Variants in UGGT2 observed in about 807,000 individuals in gnomAD.
The protein encoded by UGGT2 is UDP-glucose:glycoprotein glucosyltransferase 2.
In UGGT2, 180 loss-of-function variants were observed where a neutral mutation model predicts 192.1. That is an observed-to-expected ratio of 0.94 (90% CI 0.83 to 1.06). The LOEUF (loss-of-function observed/expected upper bound fraction) is 1.06, where lower values mean the gene tolerates loss of function less well. UGGT2 is among the 50% of genes least tolerant of loss of function. UGGT2 has a pLI of 0.00. For synonymous variants in UGGT2, 580 were observed against 591.0 expected (o/e 0.98, Z 0.27); for missense variants, 1,849 against 1,795.7 (o/e 1.03, Z -0.54).
At chr13:96,050,802 G>A (rs1184146824) in intron 1 of UGGT2, among the ~76,000 whole-genome samples, 2 of 152,332 alleles carry the variant, frequency 1.3e-5, no homozygotes, top group African/African-American at 4.8e-5. Flanking sequence ...ACACCAGTTA[G>A]AAGGGCGATC....
intron 1 of UGGT2, among the ~76,000 whole-genome samples, chr13:96,035,926 G>A (rs1594619303): frequency 6.6e-6 from 1 of 152,320 alleles, no homozygotes; most frequent in Middle Eastern, 3.4e-3. Flanking sequence ...TGGCAAGGTT[G>A]TGGAGAAAAA....
At chr13:95,977,517 T>A (rs574258267) in intron 10 of UGGT2, among the ~76,000 whole-genome samples, 1 of 152,252 alleles carries the variant, frequency 6.6e-6, no homozygotes, top group East Asian at 1.9e-4. Context: ...CCAGTTAGAA[T>A]GGTGATCATT....
At chr13:95,895,361 AAAAC>A in intron 22 of UGGT2, 57 bp from the exon 23 acceptor site, 1 of 1,088,330 alleles carries the variant, frequency 9.2e-7, no homozygotes, top group Non-Finnish European at 1.2e-6. Flanking sequence ...CAGTTTAGGA[AAAAC>A]ATTTCCTCAT....
At chr13:96,034,188 A>G (rs886728688) in intron 1 of UGGT2, among the ~76,000 whole-genome samples, 1 of 152,104 alleles carries the variant, frequency 6.6e-6, no homozygotes, top group Non-Finnish European at 1.5e-5. Flanking sequence ...TCTCCCAGAC[A>G]TCGGGATGAC....
intron 37 of UGGT2, 152 bp downstream of exon 37, chr13:95,836,934 A>G: frequency 1.5e-6 from 1 of 681,240 alleles, no homozygotes. Flanking sequence ...AAATAACCCT[A>G]TACTTGCCAA....
At chr13:96,046,264 G>A (rs963645909) in intron 1 of UGGT2, among the ~76,000 whole-genome samples, 5 of 152,060 alleles carry the variant, frequency 3.3e-5, no homozygotes, top group Non-Finnish European at 5.9e-5. Context: ...AATGGTGCTG[G>A]GATACTTGGC....
chr13:96,048,019 T>C (rs1220420881), intron 1 of UGGT2, among the ~76,000 whole-genome samples: 2 of 152,174 alleles, frequency 1.3e-5, no homozygotes, highest in African/African-American at 4.8e-5. Flanking sequence ...CCACCCCAAA[T>C]CAACAGAATA....
chr13:96,051,240 C>T (rs2053476500), intron 1 of UGGT2, among the ~76,000 whole-genome samples: 1 of 152,126 alleles, frequency 6.6e-6, no homozygotes, highest in African/African-American at 2.4e-5. Context: ...GGATAGAAAA[C>T]CAAACACCTC....
chr13:95,964,529 G>T (rs767727201), intron 12 of UGGT2, among the ~76,000 whole-genome samples: 4 of 152,108 alleles, frequency 2.6e-5, no homozygotes, highest in African/African-American at 9.7e-5. Flanking sequence ...AAGCCTGTTC[G>T]ATGGGAGAAA....
At chr13:95,997,352 A>T (rs1258113775) in intron 6 of UGGT2, among the ~76,000 whole-genome samples, 2 of 152,184 alleles carry the variant, frequency 1.3e-5, no homozygotes, top group African/African-American at 4.8e-5. Context: ...ACAGACTGAT[A>T]TATTTATTAG....
chr13:96,019,933 G>C (rs1367606508), intron 4 of UGGT2, among the ~76,000 whole-genome samples: 1 of 152,134 alleles, frequency 6.6e-6, no homozygotes, highest in African/African-American at 2.4e-5. Context: ...TTAGCTAAAC[G>C]TCCCAGCAGC....
In UGGT2 at chr13:95,859,683, A is replaced by G; in HGVS notation, c.3741-8T>C. On this transcript the variant is annotated splice_polypyrimidine_tract_variant and splice_region_variant and intron_variant, in intron 32 of 38. Coordinates refer to ENST00000376747, the MANE Select transcript of UGGT2 (RefSeq NM_020121.4). ...ACAGAAAGCATCATAATTCTGTATA[A>G]AAGAATATTAAACCCAATATACATT... 6.3e-7 allele frequency: 1 copy of G among 1,595,476 alleles called. No individual in the cohort carries two copies. Among genetic ancestry groups the G allele is most frequent in the Non-Finnish European group, 8.6e-7 (1 of 1,168,488 alleles).
intron 29 of UGGT2, among the ~76,000 whole-genome samples, chr13:95,871,631 T>C (rs999306863): frequency 1.6e-4 from 25 of 152,252 alleles, no homozygotes; most frequent in African/African-American, 6.0e-4. Context: ...GTCAGGAGAG[T>C]GCTTACTGCC....
At chr13:95,857,201 C>G (rs1252100474) in intron 33 of UGGT2, among the ~76,000 whole-genome samples, 2 of 151,866 alleles carry the variant, frequency 1.3e-5, no homozygotes, top group Admixed American at 1.3e-4. Flanking sequence ...AGGGGTACAA[C>G]AGCTGCCAGG....
Position 95,859,650 on chromosome 13 carries a change from T to C in UGGT2, c.3766A>G (p.Asn1256Asp). The change falls in exon 33 of 39, where the codon AAC becomes GAC. Residue 1256 changes from asparagine (N) to aspartate (D), a missense_variant. Transcript: ENST00000376747. ...LRIMMLSVLR[N>D]TKTPVKFWLL... is the part of the protein sequence containing the mutation. ...CAGAATTTCACTGGTGTTTTGGTGT[T>C]ACGCAAAACAGAAAGCATCATAATT... is the stretch of plus-strand genomic sequence containing the variant. 2.5e-6 allele frequency: 4 copies of C among 1,609,890 alleles called. No homozygotes were observed. Among genetic ancestry groups the C allele is most frequent in the Non-Finnish European group, 3.4e-6 (4 of 1,177,722 alleles).
At chr13:95,830,618 G>C (rs1886559354) in intron 38 of UGGT2, among the ~76,000 whole-genome samples, 1 of 152,168 alleles carries the variant, frequency 6.6e-6, no homozygotes, top group Non-Finnish European at 1.5e-5. Context: ...TCATTAAAAA[G>C]TCAGGAAACA....
chr13:95,805,566 A>G (rs1884262238), intron 38 of UGGT2, among the ~76,000 whole-genome samples: 1 of 152,032 alleles, frequency 6.6e-6, no homozygotes, highest in Non-Finnish European at 1.5e-5. Flanking sequence ...AAATGTGGCA[A>G]TATATATATA....
At chr13:95,938,951 C>T (rs2049562515) in intron 16 of UGGT2, among the ~76,000 whole-genome samples, 1 of 147,996 alleles carries the variant, frequency 6.8e-6, no homozygotes, top group South Asian at 2.2e-4. Context: ...AATCCATTCT[C>T]AACAATGGAG....
At chr13:95,986,637 A>T (rs1322677205) in intron 8 of UGGT2, among the ~76,000 whole-genome samples, 1 of 152,092 alleles carries the variant, frequency 6.6e-6, no homozygotes, top group Non-Finnish European at 1.5e-5. Flanking sequence ...TTTATGAATG[A>T]CTATTTAATA....
Sources: gnomAD v4.1 joint callset for allele counts (sites outside exome capture counted in the v4.1 genomes callset) on GRCh38, gnomAD v4.1.1 for gene constraint, MANE v1.5 for transcripts, NCBI Gene and HGNC (gene_info 2026-07-23, HGNC 2026-07-21) for gene names.